MALRD1: variants seen among roughly 807,000 people sequenced by gnomAD.
MALRD1 encodes MAM and LDL receptor class A domain containing 1.
In MALRD1, 247 loss-of-function variants were observed where a neutral mutation model predicts 242.1. The observed-to-expected ratio is 1.02, with a 90% CI of 0.92 to 1.13. The LOEUF is 1.13. Among genes scored for constraint, MALRD1 ranks in the 50% most tolerant of loss-of-function variants. The pLI is 0.00. For missense variants in MALRD1, 2,989 were observed against 2,533.1 expected, an observed-to-expected ratio of 1.18 and a Z score of -3.86; for synonymous variants, 995 against 866.6, an observed-to-expected ratio of 1.15 and a Z score of -2.60.
At chr10:19,684,598 A>G (rs1289567799) in intron 36 of MALRD1, among the ~76,000 whole-genome samples, 1 of 152,112 alleles carries the variant, frequency 6.6e-6, no homozygotes, top group East Asian at 1.9e-4. Context: ...TCTACTAAAA[A>G]TACAAAAATT....
At chr10:19,492,277 TA>T (rs747227341) in intron 30 of MALRD1, among the ~76,000 whole-genome samples, 18 of 152,204 alleles carry the variant, frequency 1.2e-4, no homozygotes, top group Non-Finnish European at 2.5e-4. Flanking sequence ...TTTTTCCATT[TA>T]TCTTATCTTT....
intron 36 of MALRD1, among the ~76,000 whole-genome samples, chr10:19,647,972 A>G (rs1304026937): frequency 2.0e-5 from 3 of 152,126 alleles, no homozygotes; most frequent in East Asian, 1.9e-4. Context: ...TAATTTCCCA[A>G]TTGTGGCACA....
chr10:19,401,672 T>C (rs1191081542), intron 28 of MALRD1, among the ~76,000 whole-genome samples: 3 of 152,096 alleles, frequency 2.0e-5, no homozygotes, highest in Admixed American at 2.0e-4. Context: ...TAACAAAATA[T>C]AAATTTTTAA....
Position 19,053,094 on chromosome 10 carries a change from C to G in MALRD1, c.199+3957C>G, listed in dbSNP as rs553265694. 3.3e-5 allele frequency among the ~76,000 whole-genome samples: 5 copies of G among 152,270 alleles called. No individual in the cohort carries two copies. The South Asian group carries it at 8.3e-4, about 25-fold the overall frequency. ...GTCCTCAGCCCTGCCACCCTCTGCT[C>G]TCATCAGCTGATGCATTGTTTTTAG... On this transcript the variant is annotated intron_variant, in intron 1 of 39. Transcript: ENST00000454679.
intron 23 of MALRD1, 127 bp from the exon 24 acceptor site, chr10:19,331,236 AAAAAAC>A (rs149262809): frequency 0.031 from 25,016 of 814,186 alleles, 951 homozygotes; most frequent in African/African-American, 0.16. Context: ...ATAGGGACAT[AAAAAAC>A]AAAAACAAAA....
chr10:19,203,830 A>G lies in MALRD1; in HGVS notation c.2054A>G (p.Asp685Gly), dbSNP rs1157278290. The G allele has an allele frequency of 1.3e-6, 2 of 1,550,536 alleles. No homozygotes were observed. Among genetic ancestry groups the G allele is most frequent in the Non-Finnish European group, 1.7e-6 (2 of 1,146,940 alleles). Residue 685 changes from aspartate (D) to glycine (G), a missense_variant, in exon 15 of 40, where the codon GAT (aspartate) becomes GGT (glycine). Physicochemically the swap from Asp to Gly is moderately conservative, Grantham distance 94 (BLOSUM62 -1). Coordinates refer to ENST00000454679, the MANE Select transcript of MALRD1 (RefSeq NM_001142308.3). ...IRSSQSELSA[D>G]FEHQAPPRDH... ...AGCTCTCAGAGTGAACTTTCTGCTGATTTTGAGCACCAGGCTCCACCTCGG... is the reference window on the plus strand; with the variant it reads ...AGCTCTCAGAGTGAACTTTCTGCTGGTTTTGAGCACCAGGCTCCACCTCGG...
chr10:19,392,098 GT>G lies in MALRD1; in HGVS notation c.4845+2490del, dbSNP rs1242097257. Among the ~76,000 whole-genome samples the G allele has an allele frequency of 8.5e-5, 13 of 152,292 alleles. No individual in the cohort carries two copies. The South Asian group carries it at 2.3e-3, about 27-fold the overall frequency. On this transcript the variant is annotated intron_variant, in intron 28 of 39. Coordinates refer to ENST00000454679, the MANE Select transcript of MALRD1 (RefSeq NM_001142308.3). ...TAATTGGTAGCCTCATTTATATGGG[GT>G]AATACTGATTATAGATCGCTACAAC...
In MALRD1 at chr10:19,275,648, G is replaced by A. The variant is rs1358833814; in HGVS notation, c.3080-4399G>A. Among the ~76,000 whole-genome samples the A allele has an allele frequency of 7.2e-5, 11 of 152,056 alleles. 1 individual carries two copies. The highest frequency in any genetic ancestry group is 2.4e-4 in the African/African-American group (10 of 41,500). ...CGCGACACTGCACTCCAGCCTGGGC[G>A]ACAGAGCGAGACTCTGTCTCAAAAA... On this transcript the variant is annotated intron_variant, in intron 19 of 39. Transcript: ENST00000454679.
intron 36 of MALRD1, among the ~76,000 whole-genome samples, chr10:19,646,098 C>T (rs1471894321): frequency 6.6e-6 from 1 of 151,882 alleles, no homozygotes; most frequent in Admixed American, 6.6e-5. Context: ...TTTTTCTTTT[C>T]TTTTTAAAAC....
At chr10:19,529,310 T>G (rs1179774468) in intron 31 of MALRD1, among the ~76,000 whole-genome samples, 1 of 152,200 alleles carries the variant, frequency 6.6e-6, no homozygotes, top group African/African-American at 2.4e-5. Context: ...TTTACAGTAC[T>G]TGTACTACCC....
At chr10:19,517,227 G>A (rs928690751) in intron 31 of MALRD1, among the ~76,000 whole-genome samples, 1 of 152,162 alleles carries the variant, frequency 6.6e-6, no homozygotes, top group Non-Finnish European at 1.5e-5. Context: ...GGGACTGGTT[G>A]GTTATTGTCC....
chr10:19,479,031 T>C (rs1030996001), intron 29 of MALRD1, among the ~76,000 whole-genome samples: 1 of 152,226 alleles, frequency 6.6e-6, no homozygotes, highest in African/African-American at 2.4e-5. Context: ...CCACCTATTC[T>C]CACTGCAATG....
chr10:19,330,329 G>T, intron 23 of MALRD1, among the ~76,000 whole-genome samples: 1 of 150,066 alleles, frequency 6.7e-6, no homozygotes, highest in Admixed American at 6.6e-5. Context: ...ATAGTATAAA[G>T]ACTTACCGCA....
chr10:19,150,873 G>A (rs1321524403), intron 11 of MALRD1, among the ~76,000 whole-genome samples: 3 of 152,088 alleles, frequency 2.0e-5, no homozygotes. Flanking sequence ...TCAATATCAT[G>A]ACGATGTTTC....
chr10:19,224,165 C>A (rs897370370), intron 18 of MALRD1, among the ~76,000 whole-genome samples: 4 of 152,170 alleles, frequency 2.6e-5, no homozygotes, highest in African/African-American at 9.6e-5. Flanking sequence ...CTCCCACCAA[C>A]AGTGTAAAAG....
chr10:19,724,978 G>A (rs921039330), intron 38 of MALRD1: 1 of 152,080 alleles, frequency 6.6e-6, no homozygotes, highest in Non-Finnish European at 1.5e-5. Flanking sequence ...GTTGACAATA[G>A]CATCTAAAAG....
At chr10:19,053,434 C>A (rs1317495080) in intron 1 of MALRD1, among the ~76,000 whole-genome samples, 1 of 152,064 alleles carries the variant, frequency 6.6e-6, no homozygotes, top group East Asian at 1.9e-4. Flanking sequence ...AGATCCTCGG[C>A]AGGAATTAAG....
At chr10:19,462,211 C>T (rs1478801588) in intron 29 of MALRD1, among the ~76,000 whole-genome samples, 1 of 152,134 alleles carries the variant, frequency 6.6e-6, no homozygotes, top group Non-Finnish European at 1.5e-5. Context: ...TTTTCAAATG[C>T]AAACCAACCA....
At chr10:19,189,903 A>G (rs1479997417) in intron 14 of MALRD1, among the ~76,000 whole-genome samples, 1 of 152,146 alleles carries the variant, frequency 6.6e-6, no homozygotes, top group Non-Finnish European at 1.5e-5. Context: ...GATCAGGAAT[A>G]AGGAAAGGAT....
Sources: gnomAD v4.1 joint callset for allele counts (sites outside exome capture counted in the v4.1 genomes callset) on GRCh38, gnomAD v4.1.1 for gene constraint, MANE v1.5 for transcripts, NCBI Gene and HGNC (gene_info 2026-07-23, HGNC 2026-07-21) for gene names.